The following MYOM3 variants were observed in gnomAD, a reference collection of about 807,000 sequenced individuals.
MYOM3 encodes the protein myomesin-3.
A neutral mutation model predicts 191.7 loss-of-function variants in MYOM3; 155 were observed. The observed-to-expected ratio is 0.81, with a 90% CI of 0.71 to 0.92. MYOM3 has a LOEUF of 0.92. Ranked by LOEUF, MYOM3 falls within the 40% of genes least tolerant of loss-of-function variation. The pLI is 0.00. For missense variants in MYOM3, 1,889 were observed against 1,890.6 expected (o/e 1.00, Z 0.02); for synonymous variants, 757 against 762.9 (o/e 0.99, Z 0.13).
At chr1:24,058,093 C>G (rs76575827) in intron 36 of MYOM3, among the ~76,000 whole-genome samples, 7,380 of 152,266 alleles carry the variant, frequency 0.048, 637 homozygotes, top group African/African-American at 0.16. Flanking sequence ...AGGCGTGAGC[C>G]ACTGTGCCCG....
chr1:24,062,220 G>T, intron 32 of MYOM3, 111 bp from the exon 33 acceptor site: 1 of 1,179,386 alleles, frequency 8.5e-7, no homozygotes, highest in Non-Finnish European at 1.2e-6. Flanking sequence ...GGCTATGGGT[G>T]GTGACTATGA....
chr1:24,072,659 C>T (rs1239555329), intron 23 of MYOM3, among the ~76,000 whole-genome samples: 8 of 152,128 alleles, frequency 5.3e-5, no homozygotes, highest in Non-Finnish European at 1.2e-4. Flanking sequence ...CTCAGCCTCC[C>T]AAGTAGCTGG....
At chr1:24,095,030 C>G in intron 8 of MYOM3, 40 bp from the exon 9 acceptor site, 3 of 1,597,684 alleles carry the variant, frequency 1.9e-6, no homozygotes, top group South Asian at 1.1e-5. Context: ...GTTTTTGAGG[C>G]AGCCAGCCTG....
At chr1:24,107,283 G>A (rs1012984271) in intron 3 of MYOM3, 51 bp from the exon 4 acceptor site, 3 of 1,507,564 alleles carry the variant, frequency 2.0e-6, no homozygotes, top group African/African-American at 2.8e-5. Flanking sequence ...GGATGCCTGG[G>A]GCATCCTGGC....
intron 13 of MYOM3, 53 bp downstream of exon 13, chr1:24,090,012 C>T: frequency 6.4e-7 from 1 of 1,571,520 alleles, no homozygotes; most frequent in Non-Finnish European, 8.8e-7. Flanking sequence ...GCTCATGTCC[C>T]AGAGTTTTGA....
At chr1:24,107,345 G>A (rs1054303286) in intron 3 of MYOM3, 113 bp from the exon 4 acceptor site, 3 of 981,230 alleles carry the variant, frequency 3.1e-6, no homozygotes, top group Non-Finnish European at 4.4e-6. Context: ...ACTTTTGGAG[G>A]ACATGCATGA....
Position 24,099,730 on chromosome 1 carries a change from T to A in MYOM3, c.606A>T (p.Gly202=), listed in dbSNP as rs937325287. ...CGTAGTTGTTGGTGATTCGGTATTT[T>A]CCGGCACGAAAGAGGCGGGGATCAA... ...TRIDPRLFRA[G]KYRITNNYGL... Residue 202 remains glycine (G), a synonymous_variant, in exon 6 of 37, where the codon GGA becomes GGT. Coordinates refer to ENST00000374434, the MANE Select transcript of MYOM3 (RefSeq NM_152372.4). The A allele has an allele frequency of 1.2e-6, 2 of 1,613,972 alleles. No homozygotes were observed. The highest frequency in any genetic ancestry group is 8.5e-7 in the Non-Finnish European group (1 of 1,180,018).
Position 24,057,534 on chromosome 1 carries a change from G to T in MYOM3, c.4144C>A (p.Arg1382Ser). 6.2e-7 allele frequency: 1 copy of T among 1,614,124 alleles called. No homozygotes were observed. The highest frequency in any genetic ancestry group is 8.5e-7 in the Non-Finnish European group (1 of 1,180,002). Residue 1382 changes from arginine (R) to serine (S), a missense_variant, in exon 37 of 37, where the codon CGC (arginine) becomes AGC (serine). Arg to Ser is a moderately radical substitution (Grantham distance 110). Coordinates refer to ENST00000374434, the MANE Select transcript of MYOM3 (RefSeq NM_152372.4). Reference protein sequence around the residue: ...DQPVTFLDRYRMEVRGTEVTI... With the variant: ...DQPVTFLDRYSMEVRGTEVTI... ...ACCTCTGTCCCCCTCACTTCCATGC[G>T]GTATCGGTCAAGGAAGGTGACAGGC...
At chr1:24,089,509 C>G (rs758343406) in intron 14 of MYOM3, 29 bp downstream of exon 14, 18 of 1,578,396 alleles carry the variant, frequency 1.1e-5, no homozygotes, top group Non-Finnish European at 1.5e-5. Flanking sequence ...CTCAGGCTGG[C>G]CTGGGGCTGG....
chr1:24,109,158 C>T (rs992402755), intron 1 of MYOM3, among the ~76,000 whole-genome samples: 2 of 152,232 alleles, frequency 1.3e-5, no homozygotes, highest in Non-Finnish European at 2.9e-5. Flanking sequence ...ACACCCTTCC[C>T]CTCCTCCTGG....
chr1:24,074,622 G>A (rs138175781), intron 22 of MYOM3, among the ~76,000 whole-genome samples: 9 of 152,326 alleles, frequency 5.9e-5, no homozygotes, highest in African/African-American at 2.2e-4. Context: ...GGCCCTTGTG[G>A]TCATCTGGTC....
intron 17 of MYOM3, 106 bp from the exon 18 acceptor site, chr1:24,082,294 A>C: frequency 9.2e-7 from 1 of 1,086,172 alleles, no homozygotes; most frequent in Non-Finnish European, 1.3e-6. Flanking sequence ...TGCCTGCCCT[A>C]CTCCAGGGGT....
At chr1:24,071,534 T>C (rs189787131) in intron 24 of MYOM3, among the ~76,000 whole-genome samples, 1,804 of 152,308 alleles carry the variant, frequency 0.012, 23 homozygotes, top group Non-Finnish European at 0.019. Flanking sequence ...CCCTAGCATC[T>C]GGGCTCCACC....
intron 35 of MYOM3, among the ~76,000 whole-genome samples, chr1:24,059,661 G>A (rs1268463711): frequency 2.0e-5 from 3 of 152,232 alleles, no homozygotes; most frequent in Non-Finnish European, 4.4e-5. Flanking sequence ...AACAAGGTCA[G>A]AGAAAGCAAC....
intron 4 of MYOM3, 37 bp downstream of exon 4, chr1:24,107,036 G>C (rs111774560): frequency 6.4e-7 from 1 of 1,568,986 alleles, no homozygotes; most frequent in East Asian, 2.3e-5. Flanking sequence ...TGCGTCGCAG[G>C]TCCCAGGCCC....
In MYOM3 at chr1:24,090,148, G is replaced by A. The variant is rs780541641; in HGVS notation, c.1433-30C>T. The A allele has an allele frequency of 1.6e-5, 25 of 1,583,224 alleles. No individual in the cohort carries two copies. The South Asian group carries it at 2.3e-4, about 15-fold the overall frequency. The stretch of plus-strand genomic sequence containing the variant: ...GATGAGAAGGGAGCATGGGAGGGTG[G>A]GGGGTGGCACAGGAGGAGTTAGGCC... On this transcript the variant is annotated intron_variant, in intron 12 of 36. Coordinates refer to ENST00000374434, the MANE Select transcript of MYOM3 (RefSeq NM_152372.4).
rs1020106147 is a variant in MYOM3, at chr1:24,089,660, C to T, written c.1492G>A (p.Val498Met). The T allele has an allele frequency of 2.5e-6, 4 of 1,581,494 alleles. No homozygotes were observed. The highest frequency in any genetic ancestry group is 1.7e-4 in the Middle Eastern group (1 of 6,038). Residue 498 changes from valine (V) to methionine (M), a missense_variant, in exon 14 of 37, where the codon GTG (valine) becomes ATG (methionine). Physicochemically the swap from Val to Met is conservative, Grantham distance 21 (BLOSUM62 1). Coordinates refer to ENST00000374434, the MANE Select transcript of MYOM3 (RefSeq NM_152372.4). ...TTGGTTGGCGGTGAGGGGATGGTCA[C>T]AGTATCTGAAATCAGAGTCACCCGG... ...TISTDAFEDTVTIPSPPTNVH... is the reference protein window; with the variant it reads ...TISTDAFEDTMTIPSPPTNVH...
intron 13 of MYOM3, 60 bp downstream of exon 13, chr1:24,090,005 C>G: frequency 6.5e-7 from 1 of 1,541,118 alleles, no homozygotes; most frequent in South Asian, 1.1e-5. Flanking sequence ...TTTGCCAGCT[C>G]ATGTCCCAGA....
intron 28 of MYOM3, 183 bp from the exon 29 acceptor site, chr1:24,066,184 C>T (rs1238919380): frequency 5.6e-6 from 4 of 718,378 alleles, no homozygotes; most frequent in Non-Finnish European, 1.0e-5. Context: ...CCCTGCCTTA[C>T]TCTATTTTTC....
Sources: allele counts gnomAD v4.1 joint callset (sites outside exome capture counted in the v4.1 genomes callset), GRCh38; gene constraint gnomAD v4.1.1; transcripts MANE v1.5; gene names NCBI Gene and HGNC (gene_info 2026-07-23, HGNC 2026-07-21).